TRIM14: variants seen among roughly 807,000 people sequenced by gnomAD.
The protein encoded by TRIM14 is tripartite motif-containing protein 14.
A neutral mutation model predicts 44.5 loss-of-function variants in TRIM14; 28 were observed. That is an observed-to-expected ratio of 0.63 (90% confidence interval 0.47 to 0.86). The LOEUF is 0.86. TRIM14 is among the 40% of genes least tolerant of loss of function. TRIM14 has a pLI of 0.00. For missense variants in TRIM14, 607 were observed against 611.1 expected (o/e 0.99, Z 0.07); for synonymous variants, 299 against 269.2 (o/e 1.11, Z -1.08).
the TRIM14 span, among the ~76,000 whole-genome samples, chr9:98,062,326 C>T: frequency 1.3e-5 from 2 of 152,066 alleles, no homozygotes; most frequent in Non-Finnish European, 2.9e-5. Context: ...GAATGGCTCA[C>T]AGGATGGTCA....
At chr9:98,039,347 T>C in the TRIM14 span, among the ~76,000 whole-genome samples, 1 of 152,160 alleles carries the variant, frequency 6.6e-6, no homozygotes, top group African/African-American at 2.4e-5. Flanking sequence ...AGCTCTAACT[T>C]AACTGACTCC....
Position 98,095,302 on chromosome 9 carries a change from G to A in TRIM14, c.538-273C>T, listed in dbSNP as rs187482346. 2.6e-5 allele frequency among the ~76,000 whole-genome samples: 4 copies of A among 152,180 alleles called. No individual in the cohort carries two copies. Among genetic ancestry groups the A allele is most frequent in the Non-Finnish European group, 5.9e-5 (4 of 68,036 alleles). Reference sequence around the variant, plus strand: ...CTTCCTCCTTTCCTTCCTTCCTTACGTGTTCATTGAAACCTACTCTGTGCC... The same window carrying A: ...CTTCCTCCTTTCCTTCCTTCCTTACATGTTCATTGAAACCTACTCTGTGCC... On this transcript the variant is annotated intron_variant, in intron 3 of 5. Transcript: ENST00000341469. The surrounding 1 kb of genome is among the most constrained non-coding windows in gnomAD (Gnocchi z 4.1).
chr9:98,116,684 CA>C (rs796101827), intron 1 of TRIM14, among the ~76,000 whole-genome samples: 2 of 147,180 alleles, frequency 1.4e-5, no homozygotes, highest in South Asian at 2.2e-4. Context: ...AAAAAAAATA[CA>C]AAAAAAAAAT....
chr9:98,044,440 C>T, the TRIM14 span, among the ~76,000 whole-genome samples: 4 of 143,950 alleles, frequency 2.8e-5, no homozygotes, highest in African/African-American at 1.0e-4. Flanking sequence ...GTGGCACCAT[C>T]TCGGCTCACT....
At chr9:98,111,933 C>T (rs1007985748) in intron 1 of TRIM14, among the ~76,000 whole-genome samples, 11 of 152,104 alleles carry the variant, frequency 7.2e-5, no homozygotes, top group Admixed American at 2.0e-4. Flanking sequence ...AGTGAAACTC[C>T]GTCTCAAAAA....
intron 2 of TRIM14, among the ~76,000 whole-genome samples, chr9:98,105,316 T>C (rs953565688): frequency 3.9e-5 from 6 of 152,190 alleles, no homozygotes; most frequent in African/African-American, 1.2e-4. Context: ...CTCTGCTCTG[T>C]AGGACAGAGG....
At position 98,100,246 on chromosome 9, in the gene TRIM14, G is replaced by A. The variant is rs560596082; in HGVS notation, c.304-82C>T. 68 of 1,304,612 alleles carry A rather than the reference G, an allele frequency of 5.2e-5. No individual in the cohort carries two copies. In the South Asian group the frequency reaches 5.7e-4, roughly 11 times the overall value. The allele number at this position is 1,304,612 out of a possible 1,614,324, so 80.8% of individuals were successfully genotyped here. ...TAATCAACATGAAAAAAATCATAAC[G>A]TCTGAAATGTGAGTTCAGTAAAGTG... On this transcript the variant is annotated intron_variant, in intron 2 of 5. Transcript: ENST00000341469.
At chr9:98,104,217 G>A (rs1336934003) in intron 2 of TRIM14, among the ~76,000 whole-genome samples, 1 of 152,202 alleles carries the variant, frequency 6.6e-6, no homozygotes, top group East Asian at 1.9e-4. Flanking sequence ...TATATTTACT[G>A]AATGATCAAA....
chr9:98,104,066 G>A (rs932382143), intron 2 of TRIM14, among the ~76,000 whole-genome samples: 1 of 152,164 alleles, frequency 6.6e-6, no homozygotes, highest in African/African-American at 2.4e-5. Context: ...GATAGGTTCA[G>A]AGGCTAGCTC....
At chr9:98,070,319 T>C (rs1357320134) in intron 6 of TRIM14, among the ~76,000 whole-genome samples, 1 of 152,194 alleles carries the variant, frequency 6.6e-6, no homozygotes, top group East Asian at 1.9e-4. Context: ...GGTTTCACCA[T>C]GTTGACCAGG....
downstream of TRIM14, chr9:98,082,887 C>G (rs1410223503): frequency 6.2e-7 from 1 of 1,614,064 alleles, no homozygotes; most frequent in Non-Finnish European, 8.5e-7. Context: ...TTCCGGAAGG[C>G]ACCATTCTAA....
At chr9:98,060,565 G>A in the TRIM14 span, among the ~76,000 whole-genome samples, 1 of 152,182 alleles carries the variant, frequency 6.6e-6, no homozygotes, top group Non-Finnish European at 1.5e-5. Flanking sequence ...AGCTACTTGG[G>A]AGGCTGAGGC....
Position 98,087,719 on chromosome 9 carries a change from C to G in TRIM14, c.1080G>C (p.Gln360His), listed in dbSNP as rs756759967. Residue 360 changes from glutamine (Q) to histidine (H), a missense_variant, in exon 6 of 6, where the codon CAG (glutamine) becomes CAC (histidine). Gln to His is a conservative substitution (Grantham distance 24). Transcript: ENST00000341469. ...SAAARLGCNRQSWCLKRYDLE... is the reference protein window; with the variant it reads ...SAAARLGCNRHSWCLKRYDLE... ...GGTCGTAGCGCTTGAGGCACCAGGA[C>G]TGGCGGTTGCAGCCCAGGCGGGCGG... The G allele has an allele frequency of 4.5e-5, 71 of 1,593,140 alleles. No individual in the cohort carries two copies. Among genetic ancestry groups the G allele is most frequent in the Non-Finnish European group, 6.0e-5 (71 of 1,176,544 alleles).
chr9:98,080,204 ACT>A (rs1447150306), downstream of TRIM14, among the ~76,000 whole-genome samples: 1 of 152,184 alleles, frequency 6.6e-6, no homozygotes, highest in Non-Finnish European at 1.5e-5. Flanking sequence ...ACAGAGCAAG[ACT>A]CTGTTTCAAA....
the TRIM14 span, among the ~76,000 whole-genome samples, chr9:98,044,793 A>G: frequency 6.6e-6 from 1 of 152,116 alleles, no homozygotes; most frequent in African/African-American, 2.4e-5. Context: ...ATTTTGGGAG[A>G]AAAAGCAATG....
chr9:98,095,022 G>C lies in TRIM14; in HGVS notation c.545C>G (p.Thr182Arg). The C allele has an allele frequency of 6.2e-7, 1 of 1,612,694 alleles. No individual in the cohort carries two copies. The highest frequency in any genetic ancestry group is 8.5e-7 in the Non-Finnish European group (1 of 1,179,644). The part of the protein sequence containing the change: ...PDPVQRLQAY[T>R]ATEQEMQQQM... Reference sequence around the variant, plus strand: ...CTGCTGCATCTCCTGCTCGGTGGCCGTGTATGCCTGTGTGGGCACACGGGG... The same window carrying C: ...CTGCTGCATCTCCTGCTCGGTGGCCCTGTATGCCTGTGTGGGCACACGGGG... Residue 182 changes from threonine (T) to arginine (R), a missense_variant, in exon 4 of 6, where the codon ACG (threonine) becomes AGG (arginine). Around this residue, in one of 3 missense-constraint regions of TRIM14, gnomAD observed 246 missense variants for 270.8 expected, o/e 0.91. Transcript: ENST00000341469. This position sits in a 1 kb window ranked among gnomAD's most constrained non-coding sequence, Gnocchi z 4.1.
At chr9:98,061,014 T>A in the TRIM14 span, 3 of 1,611,526 alleles carry the variant, frequency 1.9e-6, no homozygotes, top group Non-Finnish European at 2.5e-6. Flanking sequence ...CCTCTGCTGC[T>A]CTGTCATTTG....
chr9:98,073,049 A>G (rs992018917), intron 6 of TRIM14, among the ~76,000 whole-genome samples: 4 of 152,272 alleles, frequency 2.6e-5, no homozygotes, highest in Admixed American at 1.3e-4. Context: ...GGAAAGTTCT[A>G]TTGAGAAGGC....
intron 4 of TRIM14, 78 bp from the exon 5 acceptor site, chr9:98,092,079 A>C: frequency 9.2e-7 from 1 of 1,087,316 alleles, no homozygotes; most frequent in Non-Finnish European, 1.3e-6. Context: ...ATACCACACA[A>C]CTGGAGATTC....
Sources: gnomAD v4.1 joint callset for allele counts (sites outside exome capture counted in the v4.1 genomes callset) on GRCh38, gnomAD v4.1.1 for gene constraint, gnomAD v4.1.1 regional missense constraint, Gnocchi (gnomAD v3.1) non-coding constraint, MANE v1.5 for transcripts, NCBI Gene and HGNC (gene_info 2026-07-23, HGNC 2026-07-21) for gene names.